Variants in NRG1 observed in about 807,000 individuals in gnomAD.
The protein encoded by NRG1 is neuregulin 1, also known as pro-neuregulin-1, membrane-bound isoform.
Under a neutral mutation model 63.8 loss-of-function variants are expected in NRG1, and 18 were observed. The observed-to-expected ratio is 0.28, with a 90% CI of 0.19 to 0.42. NRG1 has a LOEUF of 0.42. Ranked by LOEUF, NRG1 falls within the 10% of genes least tolerant of loss-of-function variation. The probability of loss-of-function intolerance (pLI) is 1.00; values close to 1 mark genes in which losing one functional copy is unlikely to be tolerated. For missense variants in NRG1, 762 were observed against 814.7 expected (o/e 0.94, Z 0.79); for synonymous variants, 302 against 301.3 (o/e 1.00, Z -0.02).
chr8:32,580,995 C>T (rs1563697416), intron 1 of NRG1, among the ~76,000 whole-genome samples: 2 of 152,040 alleles, frequency 1.3e-5, no homozygotes, highest in Non-Finnish European at 2.9e-5. Flanking sequence ...ATTTTTTGTG[C>T]TCTCAGATTG....
At chr8:32,180,387 G>T (rs996503899) in intron 1 of NRG1, among the ~76,000 whole-genome samples, 1 of 152,094 alleles carries the variant, frequency 6.6e-6, no homozygotes, top group Admixed American at 6.6e-5. Flanking sequence ...ACTCAGGATA[G>T]TGTCTTTAAA....
chr8:32,064,367 G>T (rs984376037), intron 1 of NRG1, among the ~76,000 whole-genome samples: 1 of 152,082 alleles, frequency 6.6e-6, no homozygotes, highest in African/African-American at 2.4e-5. Context: ...GAGTTTTCAG[G>T]TTTCATTTGG....
intron 1 of NRG1, among the ~76,000 whole-genome samples, chr8:32,273,789 TA>T (rs1189159744): frequency 6.6e-6 from 1 of 152,248 alleles, no homozygotes; most frequent in Non-Finnish European, 1.5e-5. Flanking sequence ...GTAATGTATT[TA>T]AAGTTACTCA....
intron 1 of NRG1, among the ~76,000 whole-genome samples, chr8:32,462,517 T>G (rs1822441284): frequency 6.6e-6 from 1 of 151,988 alleles, no homozygotes; most frequent in African/African-American, 2.4e-5. Context: ...CTACTTATTC[T>G]GCAGATTTTG....
chr8:31,725,779 G>A (rs1040643673), intron 1 of NRG1, among the ~76,000 whole-genome samples: 1 of 152,064 alleles, frequency 6.6e-6, no homozygotes, highest in Non-Finnish European at 1.5e-5. Flanking sequence ...TTTGCCTTAG[G>A]ACTTTGTGTA....
intron 1 of NRG1, among the ~76,000 whole-genome samples, chr8:32,483,915 T>C (rs1439933665): frequency 6.6e-6 from 1 of 151,984 alleles, no homozygotes; most frequent in African/African-American, 2.4e-5. Flanking sequence ...CCATCCTGGC[T>C]AACATGGTGA....
chr8:31,988,704 G>A (rs1421698821), intron 1 of NRG1, among the ~76,000 whole-genome samples: 1 of 152,078 alleles, frequency 6.6e-6, no homozygotes, highest in Non-Finnish European at 1.5e-5. Context: ...GACTAGATAT[G>A]GCAGCTGCAG....
rs180756279 is a variant in NRG1, at chr8:31,961,976, T to C, written c.37+322545T>C. Among the ~76,000 whole-genome samples the C allele has an allele frequency of 3.8e-5, 4 of 105,998 alleles. No homozygotes were observed. The Admixed American group carries it at 4.3e-4, about 11-fold the overall frequency. The allele number at this position is 105,998 out of a possible 152,430, so 69.5% of individuals were successfully genotyped here. A position where few individuals can be genotyped will look rare whatever the true frequency, so the allele number is the denominator to read the frequency against. On this transcript the variant is annotated intron_variant, in intron 1 of 10. Coordinates refer to the NRG1 transcript ENST00000519301. Reference sequence around the variant, plus strand: ...TTTATCCATATCTGTTTCCTTCTATTGGGACTTTATGGAGGCATTACTCAT... The same window carrying C: ...TTTATCCATATCTGTTTCCTTCTATCGGGACTTTATGGAGGCATTACTCAT...
At chr8:32,301,308 G>A (rs1855540101) in intron 1 of NRG1, among the ~76,000 whole-genome samples, 1 of 152,066 alleles carries the variant, frequency 6.6e-6, no homozygotes, top group African/African-American at 2.4e-5. Context: ...CTCTGATTCA[G>A]GAAATTACAT....
intron 1 of NRG1, among the ~76,000 whole-genome samples, chr8:32,327,960 A>G (rs2129477351): frequency 6.6e-6 from 1 of 152,358 alleles, no homozygotes; most frequent in East Asian, 1.9e-4. Flanking sequence ...AGAAAGTAAT[A>G]TGATATCTGG....
intron 1 of NRG1, among the ~76,000 whole-genome samples, chr8:32,064,435 GCC>G (rs754970012): frequency 5.1e-4 from 78 of 152,024 alleles, no homozygotes; most frequent in Non-Finnish European, 8.7e-4. Flanking sequence ...GGCTGGCAGT[GCC>G]CCTACTGATG....
intron 1 of NRG1, among the ~76,000 whole-genome samples, chr8:31,894,654 C>T (rs1397259771): frequency 6.6e-6 from 1 of 151,498 alleles, no homozygotes; most frequent in Non-Finnish European, 1.5e-5. Context: ...GGGTTCACGC[C>T]ATTCTCCTGC....
intron 1 of NRG1, among the ~76,000 whole-genome samples, chr8:31,844,303 C>T (rs144718938): frequency 2.0e-3 from 309 of 152,278 alleles, no homozygotes; most frequent in African/African-American, 6.8e-3. Flanking sequence ...CTTGCCAGTT[C>T]GGAATCCCCT....
At chr8:32,266,745 T>A (rs575518240) in intron 1 of NRG1, among the ~76,000 whole-genome samples, 12 of 151,832 alleles carry the variant, frequency 7.9e-5, no homozygotes, top group African/African-American at 2.4e-4. Context: ...TAAGAAAAAA[T>A]TCTTTCTGGG....
At chr8:31,765,763 C>A (rs1817998239) in intron 1 of NRG1, among the ~76,000 whole-genome samples, 1 of 152,000 alleles carries the variant, frequency 6.6e-6, no homozygotes, top group South Asian at 2.1e-4. Context: ...AGAATTTGGG[C>A]CAAGATTTTA....
At chr8:32,225,107 C>T (rs972575377) in intron 1 of NRG1, among the ~76,000 whole-genome samples, 1 of 152,136 alleles carries the variant, frequency 6.6e-6, no homozygotes, top group Non-Finnish European at 1.5e-5. Flanking sequence ...GCCTTGGGAG[C>T]CTGTGACCCA....
chr8:32,151,525 G>A (rs897070898), intron 1 of NRG1, among the ~76,000 whole-genome samples: 6 of 152,088 alleles, frequency 3.9e-5, no homozygotes, highest in African/African-American at 1.4e-4. Context: ...TGAAGGTCAG[G>A]GCAGTGGAAG....
rs7000001 is a variant in NRG1, at chr8:32,337,015, T to G, written c.38-258813T>G. Among the ~76,000 whole-genome samples, 24 of 152,294 alleles carry G rather than the reference T, an allele frequency of 1.6e-4. No homozygotes were observed. In the Middle Eastern group the frequency reaches 0.01, roughly 65 times the overall value. On this transcript the variant is annotated intron_variant, in intron 1 of 10. Transcript: ENST00000519301. ...TTCTTATTTTTCTTTAATTTTATAC[T>G]TTAAAAATTTTTGAAACAGGGGCTC...
At chr8:31,872,392 C>T (rs990520021) in intron 1 of NRG1, among the ~76,000 whole-genome samples, 1 of 152,088 alleles carries the variant, frequency 6.6e-6, no homozygotes, top group Non-Finnish European at 1.5e-5. Flanking sequence ...GACTTAGCAG[C>T]CTATGAAAGT....
Sources: gnomAD v4.1 joint callset for allele counts (sites outside exome capture counted in the v4.1 genomes callset) on GRCh38, gnomAD v4.1.1 for gene constraint, MANE v1.5 for transcripts, NCBI Gene and HGNC (gene_info 2026-07-23, HGNC 2026-07-21) for gene names.